The following ZFHX3 variants were observed in gnomAD, a reference collection of about 807,000 sequenced individuals.
ZFHX3 encodes the protein zinc finger homeobox protein 3.
Under a neutral mutation model 279.1 loss-of-function variants are expected in ZFHX3, and 42 were observed. The observed-to-expected ratio is 0.15, with a 90% CI of 0.12 to 0.19. The LOEUF (loss-of-function observed/expected upper bound fraction) is 0.19. Among genes scored for constraint, ZFHX3 ranks in the 10% least tolerant of loss-of-function variants. The probability of loss-of-function intolerance (pLI) is 1.00; values close to 1 mark genes in which losing one functional copy is unlikely to be tolerated. For missense variants in ZFHX3, 4,981 were observed against 4,754.0 expected, an observed-to-expected ratio of 1.05 and a Z score of -1.40; for synonymous variants, 2,293 against 1,957.8, an observed-to-expected ratio of 1.17 and a Z score of -4.52.
At chr16:72,873,728 G>T (rs1033644776) in intron 4 of ZFHX3, among the ~76,000 whole-genome samples, 6 of 152,106 alleles carry the variant, frequency 3.9e-5, no homozygotes, top group African/African-American at 1.4e-4. Flanking sequence ...TCCATAATCA[G>T]TGCTGTCTTC....
At chr16:72,856,264 T>A (rs1321453462) in intron 4 of ZFHX3, among the ~76,000 whole-genome samples, 1 of 152,184 alleles carries the variant, frequency 6.6e-6, no homozygotes, top group African/African-American at 2.4e-5. Context: ...GAAAAGCCAA[T>A]GAGACTGACA....
chr16:73,162,370 T>C (rs1162555688), intron 5 of ZFHX3, among the ~76,000 whole-genome samples: 2 of 152,198 alleles, frequency 1.3e-5, no homozygotes, highest in Non-Finnish European at 2.9e-5. Context: ...CTGTCTCCCA[T>C]CACCCCCACA....
chr16:72,861,574 C>A (rs145161333), intron 4 of ZFHX3, among the ~76,000 whole-genome samples: 15 of 152,270 alleles, frequency 9.9e-5, no homozygotes, highest in African/African-American at 3.6e-4. Flanking sequence ...AAGCCCCAAA[C>A]GCCTCCTGGA....
intron 1 of ZFHX3, among the ~76,000 whole-genome samples, chr16:73,726,938 G>A (rs995912988): frequency 5.3e-5 from 8 of 152,150 alleles, no homozygotes; most frequent in Non-Finnish European, 1.0e-4. Context: ...CCTCCAGTTG[G>A]GATCCCAAAA....
At chr16:73,706,025 C>T (rs903456989) in intron 1 of ZFHX3, among the ~76,000 whole-genome samples, 6 of 152,098 alleles carry the variant, frequency 3.9e-5, no homozygotes, top group Non-Finnish European at 8.8e-5. Context: ...CTGGAGTTGG[C>T]CGGACACAGT....
intron 4 of ZFHX3, among the ~76,000 whole-genome samples, chr16:73,318,050 C>G (rs1232171281): frequency 6.6e-6 from 1 of 152,172 alleles, no homozygotes; most frequent in Non-Finnish European, 1.5e-5. Context: ...ATGCAAATGC[C>G]AAACCAGAAG....
chr16:73,873,867 G>A (rs903242154), intron 1 of ZFHX3, among the ~76,000 whole-genome samples: 10 of 151,800 alleles, frequency 6.6e-5, no homozygotes, highest in Non-Finnish European at 1.5e-4. Flanking sequence ...CCTCAGCCCT[G>A]ACCTTCAGAT....
chr16:72,875,754 G>A (rs941679195), intron 4 of ZFHX3, among the ~76,000 whole-genome samples: 1 of 152,188 alleles, frequency 6.6e-6, no homozygotes, highest in African/African-American at 2.4e-5. Flanking sequence ...TGTCTAAAAT[G>A]TGCAAGTCAA....
chr16:73,687,815 T>TCCAAACTG (rs55715362), intron 1 of ZFHX3, among the ~76,000 whole-genome samples: 91,717 of 134,414 alleles, frequency 0.68, 31,847 homozygotes, highest in Middle Eastern at 0.87. Flanking sequence ...GCCACTGCAC[T>TCCAAACTG]CCAAACTGGT....
intron 8 of ZFHX3, chr16:73,081,514 C>G (rs1965611892): frequency 6.6e-6 from 1 of 152,248 alleles, no homozygotes; most frequent in African/African-American, 2.4e-5. Flanking sequence ...CCATCTCGAC[C>G]TCCCAAAGTG....
At chr16:73,271,974 T>C (rs1424321207) in intron 4 of ZFHX3, among the ~76,000 whole-genome samples, 1 of 152,156 alleles carries the variant, frequency 6.6e-6, no homozygotes, top group East Asian at 1.9e-4. Flanking sequence ...CACAAAATAA[T>C]AATAGCTAAC....
chr16:73,607,982 G>C (rs563148563), intron 2 of ZFHX3, among the ~76,000 whole-genome samples: 1 of 152,082 alleles, frequency 6.6e-6, no homozygotes, highest in Non-Finnish European at 1.5e-5. Context: ...TGAGAGGTAG[G>C]TGGGTTGCCT....
At chr16:73,058,488 G>A in intron 1 of ZFHX3, 1 of 175,122 alleles carries the variant, frequency 5.7e-6, no homozygotes. Flanking sequence ...GCAGGCGGCG[G>A]CGGCGGCGGG....
At chr16:73,254,797 G>A (rs2013615214) in intron 5 of ZFHX3, among the ~76,000 whole-genome samples, 1 of 152,096 alleles carries the variant, frequency 6.6e-6, no homozygotes, top group Non-Finnish European at 1.5e-5. Flanking sequence ...CTCTATAACT[G>A]CAAGGTTTGT....
chr16:72,881,366 C>G (rs2038465627), intron 4 of ZFHX3, among the ~76,000 whole-genome samples: 1 of 150,474 alleles, frequency 6.6e-6, no homozygotes, highest in African/African-American at 2.4e-5. Flanking sequence ...ACAAAACTTT[C>G]CACTGCTCGT....
intron 5 of ZFHX3, among the ~76,000 whole-genome samples, chr16:73,155,195 C>CA (rs78019086): frequency 4.5e-5 from 6 of 133,460 alleles, no homozygotes; most frequent in African/African-American, 1.1e-4. Context: ...AAAAAAAAAA[C>CA]AAAAAAAAGG....
intron 1 of ZFHX3, among the ~76,000 whole-genome samples, chr16:73,763,060 A>G (rs753248726): frequency 3.3e-5 from 5 of 152,148 alleles, no homozygotes; most frequent in Non-Finnish European, 5.9e-5. Flanking sequence ...TTGTAATAAA[A>G]TATTGCTTAA....
chr16:72,954,094 G>T (rs1381040495), intron 2 of ZFHX3, among the ~76,000 whole-genome samples: 4 of 152,204 alleles, frequency 2.6e-5, no homozygotes, highest in Admixed American at 6.5e-5. Flanking sequence ...CTGGGGCTGG[G>T]CATAGTGGCT....
chr16:72,926,592 G>A (rs779963472), intron 3 of ZFHX3, among the ~76,000 whole-genome samples: 4 of 152,168 alleles, frequency 2.6e-5, no homozygotes, highest in African/African-American at 7.2e-5. Context: ...GTTTTAATAT[G>A]GGCATTATTC....
Sources: gnomAD v4.1 joint callset for allele counts (sites outside exome capture counted in the v4.1 genomes callset) on GRCh38, gnomAD v4.1.1 for gene constraint, MANE v1.5 for transcripts, NCBI Gene and HGNC (gene_info 2026-07-23, HGNC 2026-07-21) for gene names.